COL6A1: variants seen among roughly 807,000 people sequenced by gnomAD.
COL6A1 encodes collagen alpha-1(VI) chain.
A neutral mutation model predicts 145.6 loss-of-function variants in COL6A1; 80 were observed. That is an observed-to-expected ratio of 0.55 (90% CI 0.46 to 0.66). COL6A1 has a LOEUF of 0.66. COL6A1 is among the 30% of genes least tolerant of loss of function. The pLI, the probability that COL6A1 is intolerant of heterozygous loss-of-function variation, is 0.00. For missense variants in COL6A1, 1,364 were observed against 1,473.8 expected, an observed-to-expected ratio of 0.93 and a Z score of 1.22; for synonymous variants, 638 against 622.8, an observed-to-expected ratio of 1.02 and a Z score of -0.36.
At chr21:45,998,055 T>C in intron 22 of COL6A1, 66 bp from the exon 23 acceptor site, 1 of 1,579,320 alleles carries the variant, frequency 6.3e-7, no homozygotes, top group Non-Finnish European at 8.6e-7. Context: ...CTCCCGGGCC[T>C]GTGCCAGCCA....
chr21:45,997,836 C>G, intron 22 of COL6A1, 74 bp downstream of exon 22: 2 of 1,467,446 alleles, frequency 1.4e-6, no homozygotes, highest in Non-Finnish European at 1.9e-6. Context: ...CAGCCCCGCA[C>G]TGTGGAGCTG....
At chr21:46,001,565 G>A (rs1005590387) in intron 30 of COL6A1, among the ~76,000 whole-genome samples, 179 bp downstream of exon 30, 4 of 152,248 alleles carry the variant, frequency 2.6e-5, no homozygotes, top group East Asian at 1.9e-4. Flanking sequence ...TCCACCTGGC[G>A]AGGCTGGCCC....
intron 8 of COL6A1, 61 bp from the exon 9 acceptor site, chr21:45,989,023 G>C (rs573342705): frequency 1.3e-6 from 2 of 1,588,088 alleles, no homozygotes; most frequent in South Asian, 1.1e-5. Context: ...AACCTGTTTC[G>C]TGAGCCAGCT....
chr21:46,000,705 C>A, intron 28 of COL6A1, 54 bp from the exon 29 acceptor site: 1 of 1,613,280 alleles, frequency 6.2e-7, no homozygotes, highest in Non-Finnish European at 8.5e-7. Flanking sequence ...GCCTTTCTGA[C>A]GTGCGCAGGA....
At chr21:45,999,543 C>T (rs1435913644) in intron 26 of COL6A1, 114 bp from the exon 27 acceptor site, 14 of 1,027,762 alleles carry the variant, frequency 1.4e-5, no homozygotes, top group Admixed American at 6.6e-5. Context: ...AGGGAGGGAC[C>T]GGGCAGGGGT....
intron 21 of COL6A1, 38 bp downstream of exon 21, chr21:45,997,521 G>GC (rs771496542): frequency 6.2e-7 from 1 of 1,601,940 alleles, no homozygotes; most frequent in Non-Finnish European, 8.5e-7. Context: ...CCCACCCAGG[G>GC]GGGCCTGAGG....
At chr21:45,998,576 T>C (rs1380126183) in intron 24 of COL6A1, 143 bp downstream of exon 24, 1 of 1,168,072 alleles carries the variant, frequency 8.6e-7, no homozygotes, top group Non-Finnish European at 1.2e-6. Flanking sequence ...CCCCACTGTC[T>C]GTGGCCACAG....
rs527435043 is a variant in COL6A1, at chr21:45,989,276, G to A, written c.858+139G>A. The A allele has an allele frequency of 7.3e-6, 7 of 954,840 alleles. No homozygotes were observed. In the Admixed American group the frequency reaches 1.6e-4, roughly 22 times the overall value. The allele number at this position is 954,840 out of a possible 1,614,324, so 59.1% of individuals were successfully genotyped here. ...GTTCCTTGTGGGTGGGAGCAGACCT[G>A]GAGGGGCCACAGCCCAGCCATCCTT... On this transcript the variant is annotated intron_variant, in intron 9 of 34. Transcript: ENST00000361866.
intron 17 of COL6A1, 25 bp downstream of exon 17, chr21:45,992,242 C>T: frequency 6.2e-7 from 1 of 1,613,688 alleles, no homozygotes; most frequent in Middle Eastern, 1.6e-4. Flanking sequence ...CTGACACCTT[C>T]CTGGGGAAGT....
chr21:45,982,106 T>C (rs1227330420), intron 1 of COL6A1, among the ~76,000 whole-genome samples, 159 bp downstream of exon 1: 1 of 152,132 alleles, frequency 6.6e-6, no homozygotes, highest in African/African-American at 2.4e-5. Flanking sequence ...CGCCCAGCTC[T>C]GCCCCACCGG....
In COL6A1 at chr21:45,990,433, G is replaced by A. The variant is rs1195435653; in HGVS notation, c.1002+11G>A. The A allele has an allele frequency of 6.6e-6, 9 of 1,366,820 alleles. No homozygotes were observed. Among genetic ancestry groups the A allele is most frequent in the Middle Eastern group, 2.0e-4 (1 of 5,038 alleles). 84.7% of individuals were successfully genotyped at this position (1,366,820 alleles called of 1,614,324 possible). ...GTGGACGGCGTGAAGGTGACTGGGG[G>A]GAGATAGGATGGACGGGGAGGGACG... On this transcript the variant is annotated intron_variant, in intron 13 of 34. Transcript: ENST00000361866.
At chr21:45,982,900 C>G (rs2077716245) in intron 2 of COL6A1, 137 bp downstream of exon 2, 9 of 1,257,072 alleles carry the variant, frequency 7.2e-6, no homozygotes, top group Non-Finnish European at 9.1e-6. Context: ...GGGGCCCCTC[C>G]CGGCGCCCTC....
chr21:45,997,789 GGGCGGA>G, intron 22 of COL6A1, 27 bp downstream of exon 22: 1 of 1,565,074 alleles, frequency 6.4e-7, no homozygotes, highest in Non-Finnish European at 8.7e-7. Context: ...TCGGGCCCTA[GGGCGGA>G]GGCCTGGCCG....
chr21:45,998,768 G>A (rs1255899016), intron 24 of COL6A1, 129 bp from the exon 25 acceptor site: 8 of 1,214,196 alleles, frequency 6.6e-6, no homozygotes, highest in African/African-American at 4.5e-5. Context: ...TCCAGCCCAG[G>A]AAATGTGTGT....
rs777828224 is a variant in COL6A1 at position 46,002,341 on chromosome 21, G to T, written c.2190G>T (p.Gly730=). Residue 730 remains glycine (G), a synonymous_variant, in exon 32 of 35, where the codon GGG becomes GGT. Coordinates refer to ENST00000361866, the MANE Select transcript of COL6A1 (RefSeq NM_001848.3). ...GCATCGCCCTGGTCATCACTGACGG[G>T]CGCTCAGACACTCAGAGGGACACCA... is the stretch of plus-strand genomic sequence containing the variant. ...NNRIALVITD[G]RSDTQRDTTP... The T allele has an allele frequency of 6.3e-7, 1 of 1,591,552 alleles. No individual in the cohort carries two copies. Among genetic ancestry groups the T allele is most frequent in the Non-Finnish European group, 8.5e-7 (1 of 1,170,034 alleles).
chr21:45,987,675 C>T, intron 8 of COL6A1, 21 bp downstream of exon 8: 2 of 1,604,390 alleles, frequency 1.2e-6, no homozygotes, highest in Non-Finnish European at 1.7e-6. Context: ...ACTCCTGCTC[C>T]TCCCATGTGT....
rs200443319 is a variant in COL6A1, at chr21:46,002,105, C to T, written c.2066+35C>T. On this transcript the variant is annotated intron_variant, in intron 31 of 34. Coordinates refer to ENST00000361866, the MANE Select transcript of COL6A1 (RefSeq NM_001848.3). ...CCACGCGGCCAGGACCCTCCCACCCCTCGCCCCGACCGCTGTTCCCACGGC... is the reference window on the plus strand; with the variant it reads ...CCACGCGGCCAGGACCCTCCCACCCTTCGCCCCGACCGCTGTTCCCACGGC... 1.6e-5 allele frequency: 25 copies of T among 1,591,438 alleles called. No homozygotes were observed. In the African/African-American group the frequency reaches 2.1e-4, roughly 14 times the overall value.
Position 45,989,759 on chromosome 21 carries a change from A to G in COL6A1, c.911A>G (p.Lys304Arg), listed in dbSNP as rs1064794736. The G allele has an allele frequency of 6.8e-6, 11 of 1,612,552 alleles. No individual in the cohort carries two copies. The highest frequency in any genetic ancestry group is 9.3e-6 in the Non-Finnish European group (11 of 1,179,914). The change falls in exon 11 of 35, where the codon AAA (lysine) becomes AGA (arginine). Residue 304 changes from lysine (K) to arginine (R), a missense_variant. By Grantham distance (26) the Lys-to-Arg change is conservative. Around this residue, in one of 3 missense-constraint regions of COL6A1, gnomAD observed 414 missense variants for 437.6 expected, o/e 0.95. Transcript: ENST00000361866. ...PVGYQGMKGE[K>R]GSRGEKGSRG... ...CTTCCGCTGGGTGTGTAGGGAGAAA[A>G]AGGGAGCCGTGGGGAGAAGGTGAGT...
At chr21:45,983,807 A>G (rs1396484282) in intron 2 of COL6A1, among the ~76,000 whole-genome samples, 1 of 123,328 alleles carries the variant, frequency 8.1e-6, no homozygotes, top group Non-Finnish European at 1.6e-5. Flanking sequence ...TGTCGCTGCC[A>G]CTGGATTCCT....
Sources: gnomAD v4.1 joint callset for allele counts (sites outside exome capture counted in the v4.1 genomes callset) on GRCh38, gnomAD v4.1.1 for gene constraint, gnomAD v4.1.1 regional missense constraint, MANE v1.5 for transcripts, NCBI Gene and HGNC (gene_info 2026-07-23, HGNC 2026-07-21) for gene names.